Variants in LRRIQ1 observed in about 807,000 individuals in gnomAD.
LRRIQ1 encodes the protein leucine-rich repeat- and IQ domain-containing protein 1.
In LRRIQ1, 210 loss-of-function variants were observed where a neutral mutation model predicts 211.9. The ratio of observed to expected loss-of-function variants is 0.99; its 90% CI spans 0.89 to 1.11. LRRIQ1 has a LOEUF of 1.11. Among genes scored for constraint, LRRIQ1 ranks in the 50% most tolerant of loss-of-function variants. The probability of loss-of-function intolerance (pLI) is 0.00; values close to 1 mark genes in which losing one functional copy is unlikely to be tolerated. For synonymous variants in LRRIQ1, 699 were observed against 650.1 expected (o/e 1.08, Z -1.14); for missense variants, 2,136 against 1,939.5 (o/e 1.10, Z -1.90).
chr12:85,183,593 T>A (rs1455947094), intron 24 of LRRIQ1, among the ~76,000 whole-genome samples: 1 of 152,138 alleles, frequency 6.6e-6, no homozygotes, highest in Non-Finnish European at 1.5e-5. Context: ...TGGGCTTATG[T>A]TAATCATTAT....
At chr12:85,187,970 T>C (rs1004764223) in intron 24 of LRRIQ1, among the ~76,000 whole-genome samples, 5 of 152,144 alleles carry the variant, frequency 3.3e-5, no homozygotes, top group African/African-American at 1.2e-4. Flanking sequence ...ACACTCTCAT[T>C]GTACTCAGGA....
At chr12:85,057,874 A>G (rs1203000071) in intron 8 of LRRIQ1, among the ~76,000 whole-genome samples, 1 of 152,108 alleles carries the variant, frequency 6.6e-6, no homozygotes, top group Non-Finnish European at 1.5e-5. Flanking sequence ...AAATACATAT[A>G]TTTAGCTAAG....
chr12:85,108,316 C>T (rs1012567673), intron 15 of LRRIQ1, among the ~76,000 whole-genome samples: 1 of 151,984 alleles, frequency 6.6e-6, no homozygotes, highest in Non-Finnish European at 1.5e-5. Context: ...AGTATTTTTT[C>T]CAGATGTCTC....
At chr12:85,038,387 G>A (rs1268850898) in intron 2 of LRRIQ1, 79 bp downstream of exon 2, 3 of 1,106,104 alleles carry the variant, frequency 2.7e-6, no homozygotes, top group Non-Finnish European at 3.6e-6. Context: ...ATGTTTTTAT[G>A]TACTTCTCAT....
chr12:85,060,756 A>G (rs1368970631), intron 8 of LRRIQ1, among the ~76,000 whole-genome samples: 1 of 151,924 alleles, frequency 6.6e-6, no homozygotes, highest in Non-Finnish European at 1.5e-5. Flanking sequence ...GTAAAAAAAA[A>G]ATAAAATAGA....
intron 18 of LRRIQ1, among the ~76,000 whole-genome samples, chr12:85,137,494 T>G (rs1047295101): frequency 1.8e-4 from 28 of 151,822 alleles, no homozygotes; most frequent in African/African-American, 6.7e-4. Flanking sequence ...TTATACATAA[T>G]CATTTGAACA....
At chr12:85,211,729 A>G (rs567411043) in intron 24 of LRRIQ1, among the ~76,000 whole-genome samples, 20 of 152,166 alleles carry the variant, frequency 1.3e-4, no homozygotes, top group South Asian at 4.1e-4. Flanking sequence ...TAAAATGGTA[A>G]TAGTCACTTT....
chr12:85,121,312 A>G (rs1372230782), intron 15 of LRRIQ1, among the ~76,000 whole-genome samples: 1 of 152,178 alleles, frequency 6.6e-6, no homozygotes, highest in African/African-American at 2.4e-5. Context: ...CTATTTCTGA[A>G]ATAAAAGACA....
intron 15 of LRRIQ1, among the ~76,000 whole-genome samples, chr12:85,116,899 T>G (rs1316971332): frequency 6.8e-6 from 1 of 146,452 alleles, no homozygotes; most frequent in Non-Finnish European, 1.5e-5. Context: ...TTTTTTTTTA[T>G]GGCTGCATAT....
intron 24 of LRRIQ1, among the ~76,000 whole-genome samples, chr12:85,172,133 G>C (rs978198064): frequency 1.3e-5 from 2 of 152,136 alleles, no homozygotes; most frequent in African/African-American, 4.8e-5. Context: ...AGGCACCTGG[G>C]TTCCTGAGCC....
intron 1 of LRRIQ1, among the ~76,000 whole-genome samples, chr12:85,260,815 A>T (rs184404234): frequency 6.6e-6 from 1 of 152,184 alleles, no homozygotes; most frequent in Non-Finnish European, 1.5e-5. Context: ...ATATCAAGCT[A>T]TAGGTTTCCA....
At chr12:85,272,048 T>C in the LRRIQ1 span, among the ~76,000 whole-genome samples, 2 of 152,188 alleles carry the variant, frequency 1.3e-5, no homozygotes, top group Non-Finnish European at 2.9e-5. Flanking sequence ...TAGAACTAAA[T>C]AGTTGCATGA....
At chr12:85,100,672 T>G (rs551034372) in intron 13 of LRRIQ1, among the ~76,000 whole-genome samples, 1 of 151,848 alleles carries the variant, frequency 6.6e-6, no homozygotes, top group Admixed American at 6.6e-5. Flanking sequence ...GGAATGTATT[T>G]CTTTTGAGTC....
intron 26 of LRRIQ1, among the ~76,000 whole-genome samples, chr12:85,239,266 G>A (rs527338695): frequency 1.3e-5 from 2 of 151,358 alleles, no homozygotes; most frequent in Admixed American, 6.6e-5. Context: ...ACCTAGAATA[G>A]CAAATGCAAT....
intron 26 of LRRIQ1, among the ~76,000 whole-genome samples, chr12:85,243,414 T>G (rs778275359): frequency 6.7e-6 from 1 of 149,402 alleles, no homozygotes; most frequent in Non-Finnish European, 1.5e-5. Context: ...GAAACGATTT[T>G]TATTTATTTT....
At chr12:85,137,829 A>G (rs369626012) in intron 18 of LRRIQ1, 21 bp from the exon 19 acceptor site, 13 of 1,567,848 alleles carry the variant, frequency 8.3e-6, no homozygotes, top group African/African-American at 5.5e-5. Context: ...TTTGTATAAC[A>G]TACTTTACAT....
At chr12:85,215,479 T>G (rs1894036310) in intron 24 of LRRIQ1, among the ~76,000 whole-genome samples, 1 of 152,134 alleles carries the variant, frequency 6.6e-6, no homozygotes, top group South Asian at 2.1e-4. Flanking sequence ...ATTAATTATT[T>G]TTCCTGATCT....
chr12:85,177,982 A>T (rs1891797517), intron 24 of LRRIQ1, among the ~76,000 whole-genome samples: 1 of 152,108 alleles, frequency 6.6e-6, no homozygotes, highest in African/African-American at 2.4e-5. Flanking sequence ...AATGAGAAGA[A>T]TAATACCTAT....
intron 11 of LRRIQ1, among the ~76,000 whole-genome samples, chr12:85,093,454 A>G (rs1054763089): frequency 1.3e-5 from 2 of 152,204 alleles, no homozygotes; most frequent in Non-Finnish European, 2.9e-5. Context: ...CTGTTTGCAC[A>G]CGTACGTGAG....
Sources: allele counts gnomAD v4.1 joint callset (sites outside exome capture counted in the v4.1 genomes callset), GRCh38; gene constraint gnomAD v4.1.1; transcripts MANE v1.5; gene names NCBI Gene and HGNC (gene_info 2026-07-23, HGNC 2026-07-21).